The following MAP4K3 variants were observed in gnomAD, a reference collection of about 807,000 sequenced individuals.
MAP4K3 encodes mitogen-activated protein kinase kinase kinase kinase 3.
A neutral mutation model predicts 143.5 loss-of-function variants in MAP4K3; 94 were observed. The ratio of observed to expected loss-of-function variants is 0.65; its 90% CI spans 0.55 to 0.78. The LOEUF (loss-of-function observed/expected upper bound fraction) is 0.78, where lower values mean the gene tolerates loss of function less well. MAP4K3 is among the 30% of genes least tolerant of loss of function. The pLI, the probability that MAP4K3 is intolerant of heterozygous loss-of-function variation, is 0.00. For synonymous variants in MAP4K3, 416 were observed against 347.2 expected (o/e 1.20, Z -2.20); for missense variants, 1,077 against 1,068.1 (o/e 1.01, Z -0.12).
At chr2:39,294,713 G>A (rs7340455) in intron 16 of MAP4K3, among the ~76,000 whole-genome samples, 102,131 of 152,146 alleles carry the variant, frequency 0.67, 37,824 homozygotes, top group Non-Finnish European at 0.82. Context: ...AATTAATGTA[G>A]GTAAAGTGCC....
intron 31 of MAP4K3, among the ~76,000 whole-genome samples, 175 bp downstream of exon 31, chr2:39,258,173 C>T: frequency 6.6e-6 from 1 of 152,160 alleles, no homozygotes; most frequent in Admixed American, 6.5e-5. Flanking sequence ...CTCAAGTGAT[C>T]CACCCACCTT....
At chr2:39,328,854 A>G (rs1046234978) in intron 8 of MAP4K3, among the ~76,000 whole-genome samples, 1 of 152,194 alleles carries the variant, frequency 6.6e-6, no homozygotes, top group Non-Finnish European at 1.5e-5. Flanking sequence ...ACTGTTGAAT[A>G]AATGTACATA....
chr2:39,412,787 T>C (rs940293103), intron 1 of MAP4K3, among the ~76,000 whole-genome samples: 1 of 152,128 alleles, frequency 6.6e-6, no homozygotes, highest in Admixed American at 6.6e-5. Flanking sequence ...ATTCTCGTCT[T>C]ACAAATGAAT....
chr2:39,390,898 A>G (rs1368407576), intron 1 of MAP4K3, among the ~76,000 whole-genome samples: 1 of 152,200 alleles, frequency 6.6e-6, no homozygotes, highest in African/African-American at 2.4e-5. Flanking sequence ...CTGTCTTCAG[A>G]AATCCTGCCC....
intron 12 of MAP4K3, among the ~76,000 whole-genome samples, chr2:39,319,765 A>G (rs936491507): frequency 6.6e-6 from 1 of 152,236 alleles, no homozygotes. Context: ...AATTACAAAG[A>G]TTCACATACC....
intron 21 of MAP4K3, 24 bp from the exon 22 acceptor site, chr2:39,282,578 T>G: frequency 6.3e-7 from 1 of 1,575,918 alleles, no homozygotes; most frequent in Non-Finnish European, 8.7e-7. Context: ...ACATGTATGA[T>G]TACACTTTTT....
At chr2:39,328,493 C>G (rs1558649169) in intron 8 of MAP4K3, among the ~76,000 whole-genome samples, 1 of 152,150 alleles carries the variant, frequency 6.6e-6, no homozygotes, top group Non-Finnish European at 1.5e-5. Flanking sequence ...GATTCCATTT[C>G]TATGCCACTC....
chr2:39,267,420 C>T (rs1680810478), intron 26 of MAP4K3, 173 bp from the exon 27 acceptor site: 1 of 589,646 alleles, frequency 1.7e-6, no homozygotes, highest in South Asian at 2.0e-5. Flanking sequence ...TGCCTGTAAT[C>T]CCAGCACTTT....
chr2:39,287,994 T>C, intron 20 of MAP4K3, 127 bp downstream of exon 20: 2 of 1,116,902 alleles, frequency 1.8e-6, no homozygotes, highest in Non-Finnish European at 2.6e-6. Flanking sequence ...AGAAAACATC[T>C]CCATAGCCAC....
chr2:39,321,134 G>C (rs931643091), intron 12 of MAP4K3, among the ~76,000 whole-genome samples: 9 of 152,128 alleles, frequency 5.9e-5, no homozygotes, highest in African/African-American at 2.2e-4. Flanking sequence ...TTAAACTCGT[G>C]AAACAAGCAT....
chr2:39,335,561 G>A (rs1056427860), intron 6 of MAP4K3, among the ~76,000 whole-genome samples: 1 of 151,948 alleles, frequency 6.6e-6, no homozygotes, highest in African/African-American at 2.4e-5. Flanking sequence ...CTCTAAAATG[G>A]CCTCACACTT....
chr2:39,427,905 T>C (rs1242279299), intron 1 of MAP4K3, among the ~76,000 whole-genome samples: 1 of 152,222 alleles, frequency 6.6e-6, no homozygotes, highest in Non-Finnish European at 1.5e-5. Context: ...CTTAGAATAG[T>C]TGTCTTATTA....
chr2:39,340,254 T>C (rs991514587), intron 4 of MAP4K3, among the ~76,000 whole-genome samples: 1 of 152,170 alleles, frequency 6.6e-6, no homozygotes, highest in African/African-American at 2.4e-5. Context: ...GTACGTGTCC[T>C]ACATGACCGT....
At chr2:39,250,818 G>T in intron 33 of MAP4K3, 113 bp from the exon 34 acceptor site, 1 of 767,356 alleles carries the variant, frequency 1.3e-6, no homozygotes, top group South Asian at 1.7e-5. Context: ...CTGCTCATTT[G>T]ATCGTGGGCA....
At chr2:39,296,282 AT>A (rs1160438180) in intron 16 of MAP4K3, among the ~76,000 whole-genome samples, 2 of 152,314 alleles carry the variant, frequency 1.3e-5, no homozygotes, top group East Asian at 3.9e-4. Flanking sequence ...ATATGGCTAA[AT>A]TTGCTAAAAA....
In MAP4K3 at chr2:39,267,266, G is replaced by C. The variant is rs763745271; in HGVS notation, c.1974-19C>G. The C allele has an allele frequency of 6.3e-7, 1 of 1,594,924 alleles. No homozygotes were observed. The highest frequency in any genetic ancestry group is 8.6e-7 in the Non-Finnish European group (1 of 1,163,028). ...AAATTTCCTAAATGTAAATAAAAGT[G>C]AGTACGTAATATATGTAGGCAAACT... On this transcript the variant is annotated intron_variant, in intron 26 of 33. Coordinates refer to ENST00000263881, the MANE Select transcript of MAP4K3 (RefSeq NM_003618.4).
intron 8 of MAP4K3, among the ~76,000 whole-genome samples, chr2:39,327,266 A>G (rs1161402370): frequency 6.6e-6 from 1 of 152,214 alleles, no homozygotes; most frequent in African/African-American, 2.4e-5. Context: ...ATTCATATTT[A>G]CTAAAAACTT....
intron 1 of MAP4K3, among the ~76,000 whole-genome samples, chr2:39,433,711 T>C (rs766847253): frequency 1.3e-5 from 2 of 152,188 alleles, no homozygotes; most frequent in African/African-American, 2.4e-5. Context: ...ACTAAAGAGC[T>C]TCAGTTGCCA....
Position 39,337,276 on chromosome 2 carries a change from TAA to T in MAP4K3, c.366+248_366+249del, listed in dbSNP as rs1231151166. ...TAATTTTCAAGCCTTTCTTTGGTAT[TAA>T]GAGGAAAATATACAATAACAGATGC... On this transcript the variant is annotated intron_variant, in intron 5 of 33. Transcript: ENST00000263881. Among the ~76,000 whole-genome samples, 4 of 152,162 alleles carry T rather than the reference TAA, an allele frequency of 2.6e-5. No homozygotes were observed. The East Asian group carries it at 7.7e-4, about 29-fold the overall frequency.
Sources: gnomAD v4.1 joint callset for allele counts (sites outside exome capture counted in the v4.1 genomes callset) on GRCh38, gnomAD v4.1.1 for gene constraint, MANE v1.5 for transcripts, NCBI Gene and HGNC (gene_info 2026-07-23, HGNC 2026-07-21) for gene names.